STX19: variants seen among roughly 807,000 people sequenced by gnomAD.
The protein encoded by STX19 is syntaxin-19.
STX19 carries 26 observed loss-of-function variants against 24.3 expected under a neutral mutation model. The ratio of observed to expected loss-of-function variants is 1.07; its 90% confidence interval spans 0.78 to 1.48. The LOEUF (loss-of-function observed/expected upper bound fraction) is 1.48, where lower values mean the gene tolerates loss of function less well. Ranked by LOEUF, STX19 falls within the 40% of genes most tolerant of loss-of-function variation. The probability of loss-of-function intolerance (pLI) is 0.00; values close to 1 mark genes in which losing one functional copy is unlikely to be tolerated. For synonymous variants in STX19, 116 were observed against 106.9 expected (o/e 1.09, Z -0.52); for missense variants, 367 against 331.9 (o/e 1.11, Z -0.82).
At chr3:94,025,266 CT>C (rs532538038) in intron 1 of STX19, among the ~76,000 whole-genome samples, 1 of 151,092 alleles carries the variant, frequency 6.6e-6, no homozygotes, top group African/African-American at 2.4e-5. Flanking sequence ...ACAAAATATC[CT>C]TTTTTTAATA....
chr3:94,023,160 T>C (rs1409560185), intron 1 of STX19, among the ~76,000 whole-genome samples: 1 of 152,138 alleles, frequency 6.6e-6, no homozygotes, highest in Non-Finnish European at 1.5e-5. Context: ...TAATTTTCAT[T>C]ACTGAAAATA....
At chr3:94,017,235 C>T (rs944356484) in intron 1 of STX19, among the ~76,000 whole-genome samples, 6 of 152,196 alleles carry the variant, frequency 3.9e-5, no homozygotes, top group African/African-American at 1.2e-4. Context: ...GTGTATACAG[C>T]TGTCTTCTAA....
At chr3:94,027,559 G>A (rs1284321208) in intron 1 of STX19, among the ~76,000 whole-genome samples, 2 of 151,928 alleles carry the variant, frequency 1.3e-5, no homozygotes, top group Non-Finnish European at 2.9e-5. Flanking sequence ...TAATGTGTTC[G>A]AGGTATTACG....
At chr3:94,023,839 C>G (rs1270034603) in intron 1 of STX19, among the ~76,000 whole-genome samples, 6 of 151,934 alleles carry the variant, frequency 3.9e-5, no homozygotes, top group African/African-American at 7.3e-5. Context: ...AAAAATTTAG[C>G]AGGAGATAAT....
intron 1 of STX19, among the ~76,000 whole-genome samples, chr3:94,024,040 T>C (rs1413474038): frequency 1.3e-5 from 2 of 152,254 alleles, no homozygotes; most frequent in African/African-American, 4.8e-5. Context: ...GATATTCTTA[T>C]ATTTTCTTCT....
intron 1 of STX19, among the ~76,000 whole-genome samples, chr3:94,023,015 T>A (rs2076482207): frequency 6.6e-6 from 1 of 152,026 alleles, no homozygotes; most frequent in South Asian, 2.1e-4. Flanking sequence ...GAAACTCTAA[T>A]GTAACCTGAT....
At chr3:94,025,110 G>T (rs1490754503) in intron 1 of STX19, among the ~76,000 whole-genome samples, 1 of 151,934 alleles carries the variant, frequency 6.6e-6, no homozygotes, top group Non-Finnish European at 1.5e-5. Context: ...TATAAAGGTT[G>T]TTTTTTTCCT....
chr3:94,014,405 G>A lies in STX19; in HGVS notation c.865C>T (p.Pro289Ser). The A allele has an allele frequency of 6.4e-7, 1 of 1,551,250 alleles. No individual in the cohort carries two copies. Among genetic ancestry groups the A allele is most frequent in the Non-Finnish European group, 8.6e-7 (1 of 1,157,714 alleles). Reference protein sequence around the residue: ...PCRVLCCWCCPCCSSK With the variant: ...PCRVLCCWCCSCCSSK ...CTTCTTTATTTTGAGCTACAGCATG[G>A]ACAGCACCAACAACACAGTACTCTG... is the stretch of plus-strand genomic sequence containing the variant. Residue 289 changes from proline to serine, a missense_variant, in exon 2 of 2, where the codon CCA becomes TCA. By Grantham distance (74) the Pro-to-Ser change is moderately conservative. Coordinates refer to ENST00000315099, the MANE Select transcript of STX19 (RefSeq NM_001001850.3).
chr3:94,021,756 C>T (rs1196357075), intron 1 of STX19, among the ~76,000 whole-genome samples: 3 of 152,118 alleles, frequency 2.0e-5, no homozygotes, highest in African/African-American at 7.2e-5. Context: ...GTATTTATGA[C>T]TCCCTAATCT....
chr3:94,027,027 T>C (rs1023087229), intron 1 of STX19, among the ~76,000 whole-genome samples: 1 of 152,270 alleles, frequency 6.6e-6, no homozygotes, highest in Admixed American at 6.5e-5. Context: ...CCTTGTACTT[T>C]TAGAAATATG....
intron 1 of STX19, among the ~76,000 whole-genome samples, chr3:94,020,129 T>C (rs550256410): frequency 1.5e-4 from 23 of 152,332 alleles, no homozygotes; most frequent in African/African-American, 5.5e-4. Flanking sequence ...TTATTCATTC[T>C]GGTACCTCAT....
chr3:94,014,821 A>T lies in STX19; in HGVS notation c.449T>A (p.Ile150Lys). Reference protein sequence around the residue: ...MFRHFQQIMFIYNDTIAAKQE... With the variant: ...MFRHFQQIMFKYNDTIAAKQE... The stretch of plus-strand genomic sequence containing the variant: ...CTTTGCTGCTATTGTGTCATTGTAT[A>T]TAAACATGATTTGCTGAAAATGGCG... Residue 150 changes from isoleucine (I) to lysine (K), a missense_variant, in exon 2 of 2, where the codon ATA becomes AAA. Physicochemically the swap from Ile to Lys is moderately radical, Grantham distance 102 (BLOSUM62 -3). Transcript: ENST00000315099. The T allele has an allele frequency of 6.2e-7, 1 of 1,614,094 alleles. No homozygotes were observed. Among genetic ancestry groups the T allele is most frequent in the Non-Finnish European group, 8.5e-7 (1 of 1,179,984 alleles).
rs759230334 is a variant in STX19 at position 94,014,977 on chromosome 3, A to G, written c.293T>C (p.Ile98Thr). Residue 98 changes from isoleucine to threonine, a missense_variant, in exon 2 of 2, where the codon ATA becomes ACA. Coordinates refer to ENST00000315099, the MANE Select transcript of STX19 (RefSeq NM_001001850.3). ...GTTGATGTATTCTGCCTGAATTTTT[A>G]TCTCCTTTGTAATGGTAGACTCTCT... Reference protein sequence around the residue: ...LKRESTITKEIKIQAEYINRS... With the variant: ...LKRESTITKETKIQAEYINRS... 6 of 1,613,894 alleles carry G rather than the reference A, an allele frequency of 3.7e-6. No homozygotes were observed. The Admixed American group carries it at 8.3e-5, about 22-fold the overall frequency.
chr3:94,015,827 A>T (rs2076322435), intron 1 of STX19, among the ~76,000 whole-genome samples: 1 of 152,290 alleles, frequency 6.6e-6, no homozygotes, highest in Middle Eastern at 3.4e-3. Context: ...GAAGCCTCTG[A>T]ATTAACGTAT....
At chr3:94,023,679 A>G (rs759373515) in intron 1 of STX19, among the ~76,000 whole-genome samples, 1 of 152,148 alleles carries the variant, frequency 6.6e-6, no homozygotes, top group Non-Finnish European at 1.5e-5. Flanking sequence ...CTACGTTTAG[A>G]CATATCTACT....
chr3:94,023,832 A>AC (rs2107023024), intron 1 of STX19, among the ~76,000 whole-genome samples: 1 of 152,272 alleles, frequency 6.6e-6, no homozygotes, highest in South Asian at 2.1e-4. Context: ...TAAAAGAAAA[A>AC]ATTTAGCAGG....
chr3:94,027,129 A>G (rs1576008779), intron 1 of STX19, among the ~76,000 whole-genome samples: 3 of 152,098 alleles, frequency 2.0e-5, no homozygotes. Flanking sequence ...AAACATTTCA[A>G]GAAATATGAC....
rs2076283784 is a variant in STX19 at position 94,014,424 on chromosome 3, T to C, written c.846A>G (p.Val282=). Residue 282 remains valine (V), a synonymous_variant, in exon 2 of 2, where the codon GTA becomes GTG. Coordinates refer to ENST00000315099, the MANE Select transcript of STX19 (RefSeq NM_001001850.3). ...VKYKKRNPCR[V]LCCWCCPCCS... is the part of the protein sequence containing the mutation. ...AGCATGGACAGCACCAACAACACAG[T>C]ACTCTGCAAGGATTTCTTTTTTTGT... The C allele has an allele frequency of 1.3e-6, 2 of 1,578,378 alleles. No homozygotes were observed. Among genetic ancestry groups the C allele is most frequent in the Middle Eastern group, 1.7e-4 (1 of 5,852 alleles).
chr3:94,016,040 T>G (rs558539332), intron 1 of STX19, among the ~76,000 whole-genome samples: 2 of 152,278 alleles, frequency 1.3e-5, no homozygotes, highest in South Asian at 4.1e-4. Flanking sequence ...AATAATGATA[T>G]TGACACTTAT....
Sources: allele counts gnomAD v4.1 joint callset (sites outside exome capture counted in the v4.1 genomes callset), GRCh38; gene constraint gnomAD v4.1.1; transcripts MANE v1.5; gene names NCBI Gene and HGNC (gene_info 2026-07-23, HGNC 2026-07-21).